Variants in GSAP observed in about 807,000 individuals in gnomAD.
The protein encoded by GSAP is gamma-secretase-activating protein.
GSAP carries 118 observed loss-of-function variants against 131.7 expected under a neutral mutation model. That is an observed-to-expected ratio of 0.90 (90% CI 0.77 to 1.04). The LOEUF is 1.04. GSAP is among the 50% of genes least tolerant of loss of function. The pLI is 0.00. For synonymous variants in GSAP, 381 were observed against 363.4 expected (o/e 1.05, Z -0.55); for missense variants, 1,019 against 1,013.2 (o/e 1.01, Z -0.08).
intron 19 of GSAP, among the ~76,000 whole-genome samples, chr7:77,334,702 T>C (rs938398153): frequency 8.9e-5 from 13 of 146,272 alleles, no homozygotes; most frequent in South Asian, 6.5e-4. Context: ...CACCACAAAA[T>C]GAAAGCCACA....
chr7:77,383,728 C>T (rs17152637), intron 6 of GSAP, among the ~76,000 whole-genome samples: 26,636 of 152,118 alleles, frequency 0.18, 2,537 homozygotes, highest in South Asian at 0.3. Context: ...TGTAAACCAG[C>T]CATTTCATTT....
Position 77,410,700 on chromosome 7 carries a change from C to T in GSAP, c.110-4595G>A, listed in dbSNP as rs370729496. Among the ~76,000 whole-genome samples the T allele has an allele frequency of 6.1e-3, 932 of 152,298 alleles. 9 individuals are homozygous for T. The highest frequency in any genetic ancestry group is 0.015 in the African/African-American group (633 of 41,574). ...ATTCTTTGTCAAACAAAAGTGATTTCACTTTACAGGAATAGGGGTTCTCAA... is the reference window on the plus strand; with the variant it reads ...ATTCTTTGTCAAACAAAAGTGATTTTACTTTACAGGAATAGGGGTTCTCAA... On this transcript the variant is annotated intron_variant, in intron 1 of 30. Coordinates refer to ENST00000257626, the MANE Select transcript of GSAP (RefSeq NM_017439.4).
At position 77,374,652 on chromosome 7, in the gene GSAP, A is replaced by G. The variant is rs372974578; in HGVS notation, c.785+406T>C. Among the ~76,000 whole-genome samples, 595 of 152,302 alleles carry G rather than the reference A, an allele frequency of 3.9e-3. 6 individuals are homozygous for G. Among genetic ancestry groups the G allele is most frequent in the African/African-American group, 7.3e-3 (305 of 41,582 alleles). On this transcript the variant is annotated intron_variant, in intron 11 of 30. Transcript: ENST00000257626. Reference sequence around the variant, plus strand: ...TTGTGTAAAAAGGAAAACAGAAAAAAAAAAAAACCAATTAATTCAGCTGAG... The same window carrying G: ...TTGTGTAAAAAGGAAAACAGAAAAAGAAAAAAACCAATTAATTCAGCTGAG...
intron 25 of GSAP, among the ~76,000 whole-genome samples, chr7:77,321,045 T>C (rs1051332222): frequency 1.3e-5 from 2 of 152,214 alleles, no homozygotes; most frequent in African/African-American, 4.8e-5. Flanking sequence ...ATTCCCCTTC[T>C]TGGCAGTACT....
intron 19 of GSAP, among the ~76,000 whole-genome samples, chr7:77,348,393 T>C (rs1273239598): frequency 6.6e-6 from 1 of 152,196 alleles, no homozygotes; most frequent in Non-Finnish European, 1.5e-5. Flanking sequence ...TAAGGGATTC[T>C]TCTTAGGACC....
intron 1 of GSAP, among the ~76,000 whole-genome samples, chr7:77,409,855 G>T (rs2151208342): frequency 6.6e-6 from 1 of 152,236 alleles, no homozygotes; most frequent in South Asian, 2.1e-4. Context: ...AACAAACGCA[G>T]ATTACAATAA....
At chr7:77,312,268 T>A (rs1584180943) in intron 28 of GSAP, 66 bp from the exon 29 acceptor site, 1 of 739,910 alleles carries the variant, frequency 1.4e-6, no homozygotes, top group Admixed American at 2.6e-5. Context: ...ACACCTTATA[T>A]CTATTCATAA....
Position 77,352,971 on chromosome 7 carries a change from T to C in GSAP, c.1464A>G (p.Pro488=), listed in dbSNP as rs1347193587. The C allele has an allele frequency of 1.2e-5, 20 of 1,602,714 alleles. No homozygotes were observed. Among genetic ancestry groups the C allele is most frequent in the Non-Finnish European group, 1.6e-5 (19 of 1,169,688 alleles). ...SETSNMDKLL[P]HSSVLTWNTE... The stretch of plus-strand genomic sequence containing the variant: ...TATTCCAAGTGAGCACTGAGGAATG[T>C]GGCAATAGTTTGTCCATGTTACTTG... The change falls in exon 18 of 31, where the codon CCA becomes CCG. Residue 488 remains proline, a synonymous_variant. Transcript: ENST00000257626.
At chr7:77,330,496 G>C in intron 19 of GSAP, 129 bp from the exon 20 acceptor site, 1 of 1,368,774 alleles carries the variant, frequency 7.3e-7, no homozygotes, top group Non-Finnish European at 9.5e-7. Flanking sequence ...ACTTTGTACA[G>C]AAGATGGCAT....
chr7:77,351,979 G>A (rs10259168), intron 18 of GSAP, among the ~76,000 whole-genome samples: 2,250 of 152,216 alleles, frequency 0.015, 59 homozygotes, highest in African/African-American at 0.051. Context: ...GCCTAGAGAG[G>A]GAACAAGTTC....
At chr7:77,374,584 C>T (rs1796576254) in intron 11 of GSAP, among the ~76,000 whole-genome samples, 1 of 150,888 alleles carries the variant, frequency 6.6e-6, no homozygotes, top group African/African-American at 2.4e-5. Flanking sequence ...CATGTTCCCG[C>T]TACATGTAAA....
chr7:77,405,803 T>A (rs1273848717), intron 2 of GSAP, among the ~76,000 whole-genome samples: 2 of 152,188 alleles, frequency 1.3e-5, no homozygotes, highest in Non-Finnish European at 2.9e-5. Flanking sequence ...CCTTCCAAAG[T>A]GCTAGAATTA....
chr7:77,359,148 C>G (rs1449115875), intron 14 of GSAP, among the ~76,000 whole-genome samples: 1 of 151,954 alleles, frequency 6.6e-6, no homozygotes, highest in East Asian at 1.9e-4. Flanking sequence ...TTACAGTGAG[C>G]TGAAATTGCA....
At chr7:77,404,165 G>A (rs1430756380) in intron 3 of GSAP, among the ~76,000 whole-genome samples, 2 of 152,220 alleles carry the variant, frequency 1.3e-5, no homozygotes, top group Non-Finnish European at 2.9e-5. Flanking sequence ...CAAGCCAGCT[G>A]CCAAAATGAC....
At chr7:77,342,009 C>T (rs988372634) in intron 19 of GSAP, among the ~76,000 whole-genome samples, 1 of 152,222 alleles carries the variant, frequency 6.6e-6, no homozygotes, top group Non-Finnish European at 1.5e-5. Flanking sequence ...GGAATGCCCA[C>T]AGCCTGGGAT....
chr7:77,317,344 T>G (rs111883209), intron 26 of GSAP, among the ~76,000 whole-genome samples: 12,040 of 124,014 alleles, frequency 0.097, 697 homozygotes, highest in Non-Finnish European at 0.12. Flanking sequence ...TGGACAAGGG[T>G]TGGGGGGGAA....
At chr7:77,368,115 CT>C (rs1176663311) in intron 12 of GSAP, among the ~76,000 whole-genome samples, 1 of 152,070 alleles carries the variant, frequency 6.6e-6, no homozygotes, top group African/African-American at 2.4e-5. Context: ...GCATGGGTTC[CT>C]GGAGTTGTAC....
chr7:77,383,043 C>A lies in GSAP; in HGVS notation c.457-400G>T, dbSNP rs533659046. ...TCTACAAAAAATACAAAAGATTAGC[C>A]AAGTGTGGTGGCACGTGCCTGTAGT... On this transcript the variant is annotated intron_variant, in intron 6 of 30. Coordinates refer to ENST00000257626, the MANE Select transcript of GSAP (RefSeq NM_017439.4). Among the ~76,000 whole-genome samples, 572 of 152,110 alleles carry A rather than the reference C, an allele frequency of 3.8e-3. 3 individuals are homozygous for A. The highest frequency in any genetic ancestry group is 0.013 in the African/African-American group (540 of 41,508).
intron 1 of GSAP, among the ~76,000 whole-genome samples, chr7:77,409,930 G>T (rs976517569): frequency 6.6e-6 from 1 of 152,038 alleles, no homozygotes; most frequent in Admixed American, 6.6e-5. Flanking sequence ...ATCATTAAGG[G>T]AGCTTTTAAA....
Sources: gnomAD v4.1 joint callset for allele counts (sites outside exome capture counted in the v4.1 genomes callset) on GRCh38, gnomAD v4.1.1 for gene constraint, MANE v1.5 for transcripts, NCBI Gene and HGNC (gene_info 2026-07-23, HGNC 2026-07-21) for gene names.